The following SLC38A1 variants were observed in gnomAD, a reference collection of about 807,000 sequenced individuals.
SLC38A1 encodes the protein sodium-coupled neutral amino acid symporter 1.
In SLC38A1, 18 loss-of-function variants were observed where a neutral mutation model predicts 60.3. The ratio of observed to expected loss-of-function variants is 0.30; its 90% CI spans 0.21 to 0.44. The LOEUF is 0.44. SLC38A1 is among the 20% of genes least tolerant of loss of function. The probability of loss-of-function intolerance (pLI) is 1.00; values close to 1 mark genes in which losing one functional copy is unlikely to be tolerated. For missense variants in SLC38A1, 448 were observed against 587.2 expected, an observed-to-expected ratio of 0.76 and a Z score of 2.45; for synonymous variants, 196 against 212.1, an observed-to-expected ratio of 0.92 and a Z score of 0.66.
At chr12:46,247,956 A>C (rs1941680105) in intron 1 of SLC38A1, among the ~76,000 whole-genome samples, 1 of 152,214 alleles carries the variant, frequency 6.6e-6, no homozygotes, top group Admixed American at 6.5e-5. Context: ...GTGAAGGAGA[A>C]ATAAAATCCT....
At chr12:46,224,055 C>A (rs1475857494) in intron 5 of SLC38A1, among the ~76,000 whole-genome samples, 1 of 152,126 alleles carries the variant, frequency 6.6e-6, no homozygotes, top group Non-Finnish European at 1.5e-5. Flanking sequence ...ATTTCTAATT[C>A]CTACTTCTGC....
rs147492970 is a variant in SLC38A1, at chr12:46,219,350, A to G, written c.314+9803T>C. ...CTTTATCTATAAAATGGGGGTAATTAACAGGGTTGTTATAAAGATCTCATG... is the reference window on the plus strand; with the variant it reads ...CTTTATCTATAAAATGGGGGTAATTGACAGGGTTGTTATAAAGATCTCATG... On this transcript the variant is annotated intron_variant, in intron 5 of 16. Transcript: ENST00000398637. Among the ~76,000 whole-genome samples the G allele has an allele frequency of 4.2e-3, 640 of 152,358 alleles. 4 individuals are homozygous for G. The highest frequency in any genetic ancestry group is 0.015 in the African/African-American group (616 of 41,584).
At chr12:46,218,754 CAG>C (rs1300220916) in intron 5 of SLC38A1, among the ~76,000 whole-genome samples, 1 of 152,014 alleles carries the variant, frequency 6.6e-6, no homozygotes, top group African/African-American at 2.4e-5. Context: ...ATTCGGGGAT[CAG>C]AGTTCTTAAA....
At chr12:46,213,950 C>T (rs1047556372) in intron 5 of SLC38A1, among the ~76,000 whole-genome samples, 28 of 152,140 alleles carry the variant, frequency 1.8e-4, no homozygotes, top group Non-Finnish European at 2.4e-4. Context: ...GAGACTATGC[C>T]AAATATCTTA....
At chr12:46,251,434 G>C (rs1941834981) in intron 1 of SLC38A1, among the ~76,000 whole-genome samples, 1 of 152,074 alleles carries the variant, frequency 6.6e-6, no homozygotes, top group African/African-American at 2.4e-5. Context: ...CATAGGCATG[G>C]GCAAGGACTT....
chr12:46,243,636 A>G (rs148212844), intron 1 of SLC38A1, among the ~76,000 whole-genome samples: 11 of 152,348 alleles, frequency 7.2e-5, no homozygotes, highest in Non-Finnish European at 1.2e-4. Flanking sequence ...GGAAGTGCAG[A>G]TTGAGTTCAA....
At chr12:46,206,684 G>A (rs1939919030) in intron 8 of SLC38A1, among the ~76,000 whole-genome samples, 1 of 152,172 alleles carries the variant, frequency 6.6e-6, no homozygotes, top group African/African-American at 2.4e-5. Flanking sequence ...TGTTAAACAA[G>A]AGGGAGTCAA....
Position 46,207,155 on chromosome 12 carries a change from G to A in SLC38A1, c.563C>T (p.Ser188Leu), listed in dbSNP as rs201587500. Residue 188 changes from serine to leucine, a missense_variant and splice_region_variant, in exon 8 of 17, where the codon TCA becomes TTA. This residue lies in a region of SLC38A1 where 346 missense variants were observed against 497.5 expected (regional missense o/e 0.70). Transcript: ENST00000398637. ...CATAAAAAAATGGTCTATAACTTAC[G>A]AAAATGTCTCTTCCTTTCCCATTAG... is the stretch of plus-strand genomic sequence containing the variant. ...KFLMGKEETF[S>L]AWYVDGRVLV... 7 of 1,600,456 alleles carry A rather than the reference G, an allele frequency of 4.4e-6. No individual in the cohort carries two copies. Among genetic ancestry groups the A allele is most frequent in the South Asian group, 3.4e-5 (3 of 88,780 alleles).
intron 3 of SLC38A1, 134 bp downstream of exon 3, chr12:46,239,545 G>T (rs7959095): frequency 0.55 from 504,733 of 915,126 alleles, 140,089 homozygotes; most frequent in Non-Finnish European, 0.56. Context: ...GTTTCACCAT[G>T]TTGGTCAGGC....
chr12:46,236,284 G>GGACTT (rs769035803), intron 3 of SLC38A1, among the ~76,000 whole-genome samples: 7 of 152,124 alleles, frequency 4.6e-5, no homozygotes, highest in Non-Finnish European at 8.8e-5. Context: ...TGAGCAGTAG[G>GGACTT]ATATAAATAA....
chr12:46,221,627 C>T (rs1940661859), intron 5 of SLC38A1, among the ~76,000 whole-genome samples: 1 of 152,178 alleles, frequency 6.6e-6, no homozygotes, highest in African/African-American at 2.4e-5. Flanking sequence ...TATCCATTCA[C>T]TTATTTCAGT....
intron 16 of SLC38A1, chr12:46,197,506 CA>C (rs911108723): frequency 7.4e-4 from 303 of 409,836 alleles, no homozygotes; most frequent in East Asian, 1.1e-3. Context: ...GACTCCATCT[CA>C]AAAAAAAAGA....
chr12:46,193,507 ATCTG>A (rs1939233298), intron 16 of SLC38A1, among the ~76,000 whole-genome samples: 1 of 152,134 alleles, frequency 6.6e-6, no homozygotes, highest in South Asian at 2.1e-4. Context: ...TGTCTCGTTG[ATCTG>A]TCTAATATTG....
chr12:46,206,023 C>T, intron 9 of SLC38A1, 57 bp downstream of exon 9: 1 of 1,032,698 alleles, frequency 9.7e-7, no homozygotes, highest in Non-Finnish European at 1.5e-6. Flanking sequence ...CATTTTTATT[C>T]AGTTTCTGAT....
intron 2 of SLC38A1, among the ~76,000 whole-genome samples, chr12:46,240,354 G>A (rs899341575): frequency 6.6e-5 from 10 of 152,064 alleles, no homozygotes; most frequent in Non-Finnish European, 1.3e-4. Context: ...GCGCCACCAC[G>A]CCTGGCAAAT....
intron 5 of SLC38A1, among the ~76,000 whole-genome samples, chr12:46,212,315 A>G (rs1287782634): frequency 6.6e-6 from 1 of 152,240 alleles, no homozygotes; most frequent in East Asian, 1.9e-4. Context: ...AACACAAGTG[A>G]TTCCTTTTTA....
chr12:46,265,278 A>G (rs1220854542), intron 1 of SLC38A1, among the ~76,000 whole-genome samples: 1 of 152,198 alleles, frequency 6.6e-6, no homozygotes, highest in East Asian at 1.9e-4. Flanking sequence ...CCTGATATTT[A>G]TATTTGACTC....
chr12:46,245,049 T>C (rs1390118348), intron 1 of SLC38A1, among the ~76,000 whole-genome samples: 4 of 152,170 alleles, frequency 2.6e-5, no homozygotes, highest in Non-Finnish European at 4.4e-5. Flanking sequence ...CTTGATAACA[T>C]ATCATCTATA....
At chr12:46,243,933 T>C (rs1386963856) in intron 1 of SLC38A1, among the ~76,000 whole-genome samples, 1 of 152,230 alleles carries the variant, frequency 6.6e-6, no homozygotes, top group Non-Finnish European at 1.5e-5. Flanking sequence ...TCTTGCTATT[T>C]ATACTGCATG....
Sources: allele counts gnomAD v4.1 joint callset (sites outside exome capture counted in the v4.1 genomes callset), GRCh38; gene constraint gnomAD v4.1.1; regional missense constraint gnomAD v4.1.1; transcripts MANE v1.5; gene names NCBI Gene and HGNC (gene_info 2026-07-23, HGNC 2026-07-21).